PTPRD: variants seen among roughly 807,000 people sequenced by gnomAD.
The protein encoded by PTPRD is protein tyrosine phosphatase receptor type D.
Under a neutral mutation model 214.5 loss-of-function variants are expected in PTPRD, and 34 were observed. That is an observed-to-expected ratio of 0.16 (90% CI 0.12 to 0.21). The LOEUF is 0.21. PTPRD is among the 10% of genes least tolerant of loss of function. The probability of loss-of-function intolerance (pLI) is 1.00; values close to 1 mark genes in which losing one functional copy is unlikely to be tolerated. For synonymous variants in PTPRD, 1,128 were observed against 845.7 expected, an observed-to-expected ratio of 1.33 and a Z score of -5.79; for missense variants, 2,545 against 2,398.7, an observed-to-expected ratio of 1.06 and a Z score of -1.27.
intron 10 of PTPRD, among the ~76,000 whole-genome samples, chr9:9,177,418 T>C (rs191290756): frequency 6.6e-6 from 1 of 152,266 alleles, no homozygotes; most frequent in East Asian, 1.9e-4. Flanking sequence ...GTTTTTTAGC[T>C]TCTATTTTTA....
intron 11 of PTPRD, among the ~76,000 whole-genome samples, chr9:8,809,010 C>T (rs773225788): frequency 6.6e-6 from 1 of 152,040 alleles, no homozygotes; most frequent in African/African-American, 2.4e-5. Flanking sequence ...AACAAAAGAA[C>T]GGAAGGAAAG....
chr9:8,684,048 C>T (rs1288347699), intron 12 of PTPRD, among the ~76,000 whole-genome samples: 6 of 152,268 alleles, frequency 3.9e-5, no homozygotes, highest in Middle Eastern at 3.4e-3. Context: ...CCCACCCCTC[C>T]TTAGAGTCTT....
intron 3 of PTPRD, among the ~76,000 whole-genome samples, chr9:10,336,991 AT>A (rs2096855660): frequency 1.3e-5 from 2 of 151,618 alleles, no homozygotes; most frequent in East Asian, 3.9e-4. Flanking sequence ...TCAAGGAGCC[AT>A]CTGACAAACT....
intron 8 of PTPRD, among the ~76,000 whole-genome samples, chr9:9,546,132 T>C (rs1338513666): frequency 6.6e-6 from 1 of 151,696 alleles, no homozygotes; most frequent in Non-Finnish European, 1.5e-5. Context: ...TTTCACTAAA[T>C]ATATAGTTTC....
chr9:10,544,611 A>G (rs1193868850), intron 2 of PTPRD, among the ~76,000 whole-genome samples: 7 of 152,204 alleles, frequency 4.6e-5, no homozygotes, highest in African/African-American at 1.4e-4. Flanking sequence ...TTAAGGCTCT[A>G]GGACTATAAG....
At chr9:9,936,397 A>G (rs2089422801) in intron 5 of PTPRD, among the ~76,000 whole-genome samples, 2 of 152,130 alleles carry the variant, frequency 1.3e-5, no homozygotes, top group African/African-American at 4.8e-5. Flanking sequence ...AAACAACCCA[A>G]TTAAAAAGTG....
intron 14 of PTPRD, among the ~76,000 whole-genome samples, chr9:8,628,955 G>A (rs918064693): frequency 2.0e-4 from 31 of 151,798 alleles, no homozygotes; most frequent in African/African-American, 7.5e-4. Context: ...CAGCAGTGTT[G>A]TATATCATAC....
intron 2 of PTPRD, among the ~76,000 whole-genome samples, chr9:10,418,482 C>A: frequency 6.7e-6 from 1 of 149,802 alleles, no homozygotes; most frequent in East Asian, 2.0e-4. Flanking sequence ...CACACACACA[C>A]ACACACACAC....
At chr9:9,098,998 T>C (rs1239049974) in intron 10 of PTPRD, among the ~76,000 whole-genome samples, 3 of 152,186 alleles carry the variant, frequency 2.0e-5, no homozygotes, top group African/African-American at 2.4e-5. Context: ...AAAAATGTGG[T>C]CTGATAAAAT....
chr9:9,152,775 T>A (rs1349545922), intron 10 of PTPRD, among the ~76,000 whole-genome samples: 1 of 152,208 alleles, frequency 6.6e-6, no homozygotes, highest in Non-Finnish European at 1.5e-5. Flanking sequence ...GACCTCATCT[T>A]TTCTGGCTGT....
At chr9:10,590,843 G>C (rs982434874) in intron 2 of PTPRD, among the ~76,000 whole-genome samples, 6 of 151,328 alleles carry the variant, frequency 4.0e-5, no homozygotes, top group African/African-American at 1.2e-4. Flanking sequence ...GTCACTATTA[G>C]CCTGGAGGCA....
chr9:9,432,265 C>A (rs1316011220), intron 8 of PTPRD, among the ~76,000 whole-genome samples: 1 of 151,956 alleles, frequency 6.6e-6, no homozygotes, highest in African/African-American at 2.4e-5. Context: ...GAATCAGACA[C>A]TGGCTTATCT....
intron 44 of PTPRD, among the ~76,000 whole-genome samples, chr9:8,322,349 G>A (rs12684864): frequency 0.13 from 19,758 of 152,198 alleles, 1,810 homozygotes; most frequent in East Asian, 0.35. Context: ...GCACCAAACA[G>A]CCTAGTTGTG....
At chr9:9,374,666 A>G (rs2060327878) in intron 9 of PTPRD, among the ~76,000 whole-genome samples, 1 of 152,204 alleles carries the variant, frequency 6.6e-6, no homozygotes, top group African/African-American at 2.4e-5. Flanking sequence ...CGTTGTAACA[A>G]ATGGACAAAC....
chr9:10,247,129 G>A (rs1186384262), intron 3 of PTPRD, among the ~76,000 whole-genome samples: 1 of 151,972 alleles, frequency 6.6e-6, no homozygotes, highest in Non-Finnish European at 1.5e-5. Context: ...TGACTACAAG[G>A]TGTTACACAA....
At chr9:8,897,983 A>G (rs2098634002) in intron 11 of PTPRD, among the ~76,000 whole-genome samples, 1 of 152,218 alleles carries the variant, frequency 6.6e-6, no homozygotes, top group African/African-American at 2.4e-5. Flanking sequence ...AAAGATTTGC[A>G]TCAACATTCA....
intron 7 of PTPRD, among the ~76,000 whole-genome samples, chr9:9,618,709 AG>A (rs1324863154): frequency 6.6e-6 from 1 of 152,222 alleles, no homozygotes; most frequent in African/African-American, 2.4e-5. Context: ...ACAAATATCA[AG>A]TAGGTATTAA....
chr9:10,258,850 A>G (rs955089663), intron 3 of PTPRD, among the ~76,000 whole-genome samples: 2 of 152,158 alleles, frequency 1.3e-5, no homozygotes, highest in African/African-American at 4.8e-5. Flanking sequence ...TATTTTTTAT[A>G]CTTAATTTAT....
intron 9 of PTPRD, among the ~76,000 whole-genome samples, chr9:9,276,116 T>C (rs1450449638): frequency 6.6e-6 from 1 of 151,302 alleles, no homozygotes; most frequent in African/African-American, 2.4e-5. Context: ...ATTTCAAGCC[T>C]TAAGTAAAGT....
Sources: allele counts gnomAD v4.1 joint callset (sites outside exome capture counted in the v4.1 genomes callset), GRCh38; gene constraint gnomAD v4.1.1; transcripts MANE v1.5; gene names NCBI Gene and HGNC (gene_info 2026-07-23, HGNC 2026-07-21).